STAG1: variants seen among roughly 807,000 people sequenced by gnomAD.
STAG1 encodes cohesin subunit SA-1.
In STAG1, 26 loss-of-function variants were observed where a neutral mutation model predicts 170.9. That is an observed-to-expected ratio of 0.15 (90% CI 0.11 to 0.21). STAG1 has a LOEUF of 0.21. Ranked by LOEUF, STAG1 falls within the 10% of genes least tolerant of loss-of-function variation. The pLI is 1.00. For synonymous variants in STAG1, 514 were observed against 497.7 expected (o/e 1.03, Z -0.44); for missense variants, 964 against 1,509.5 (o/e 0.64, Z 5.99).
intron 22 of STAG1, among the ~76,000 whole-genome samples, chr3:136,381,393 C>T (rs549635801): frequency 2.6e-5 from 4 of 151,774 alleles, no homozygotes; most frequent in African/African-American, 4.8e-5. Flanking sequence ...TATGATATCC[C>T]GGAGGTAAGA....
In STAG1 at chr3:136,359,274, T is replaced by A. The variant is rs1174547919; in HGVS notation, c.2810A>T (p.Glu937Val). 7 of 1,592,648 alleles carry A rather than the reference T, an allele frequency of 4.4e-6. No individual in the cohort carries two copies. The highest frequency in any genetic ancestry group is 6.0e-6 in the Non-Finnish European group (7 of 1,170,260). The change falls in exon 27 of 34, where the codon GAG becomes GTG. Residue 937 changes from glutamate to valine, a missense_variant. This residue lies in a region of STAG1 where 149 missense variants were observed against 301.3 expected (regional missense o/e 0.49). Coordinates refer to ENST00000383202, the MANE Select transcript of STAG1 (RefSeq NM_005862.3). The part of the protein sequence containing the change: ...LQQLFNELVQ[E>V]QGPNLDRTSA... ...TGTCCTATCTAGGTTGGGACCTTGC[T>A]CTTGAACAAGTTCATTAAATAACTG... is the stretch of plus-strand genomic sequence containing the variant.
chr3:136,417,698 CT>C (rs1418132490), intron 21 of STAG1, 186 bp downstream of exon 21: 1 of 502,228 alleles, frequency 2.0e-6, no homozygotes, highest in Non-Finnish European at 3.5e-6. Flanking sequence ...TTTTTCTACT[CT>C]TAACACATAA....
chr3:136,545,703 T>C (rs937600965), intron 5 of STAG1, among the ~76,000 whole-genome samples: 1 of 151,654 alleles, frequency 6.6e-6, no homozygotes, highest in Non-Finnish European at 1.5e-5. Context: ...CTAAACAGTA[T>C]GTGCAAAAAG....
At chr3:136,578,667 T>C (rs562077867) in intron 4 of STAG1, among the ~76,000 whole-genome samples, 9 of 152,328 alleles carry the variant, frequency 5.9e-5, no homozygotes, top group Non-Finnish European at 1.2e-4. Context: ...ATAGACACTG[T>C]CTCTGAATTG....
chr3:136,435,327 G>A lies in STAG1; in HGVS notation c.1547-1668C>T, dbSNP rs76139136. ...CTAATATCCTCACTTCACAGACAGG[G>A]AGAATGAGCCACAGAAAAATGCACT... is the stretch of plus-strand genomic sequence containing the variant. On this transcript the variant is annotated intron_variant, in intron 15 of 33. Coordinates refer to ENST00000383202, the MANE Select transcript of STAG1 (RefSeq NM_005862.3). 8.5e-3 allele frequency among the ~76,000 whole-genome samples: 1,290 copies of A among 152,222 alleles called. 22 individuals carry two copies. Among genetic ancestry groups the A allele is most frequent in the African/African-American group, 0.03 (1,234 of 41,522 alleles).
intron 4 of STAG1, among the ~76,000 whole-genome samples, chr3:136,598,648 G>A (rs950062958): frequency 1.3e-5 from 2 of 151,858 alleles, no homozygotes; most frequent in Admixed American, 6.6e-5. Flanking sequence ...GGATGGTTTC[G>A]ATCTCCTGAC....
chr3:136,686,780 T>C (rs1311493990), intron 1 of STAG1, among the ~76,000 whole-genome samples: 1 of 152,214 alleles, frequency 6.6e-6, no homozygotes, highest in Non-Finnish European at 1.5e-5. Context: ...CCAGAGGAAT[T>C]TATCCATGTG....
intron 2 of STAG1, among the ~76,000 whole-genome samples, chr3:136,627,597 C>G (rs1312099764): frequency 1.3e-5 from 2 of 152,182 alleles, no homozygotes; most frequent in African/African-American, 4.8e-5. Context: ...GCTGAAATGA[C>G]TGTTCTTGTA....
At chr3:136,464,326 G>A (rs528162837) in intron 13 of STAG1, among the ~76,000 whole-genome samples, 33 of 152,160 alleles carry the variant, frequency 2.2e-4, no homozygotes, top group African/African-American at 8.0e-4. Flanking sequence ...GGGAAGCTGA[G>A]GTAGGATAAT....
At chr3:136,449,362 A>G (rs928717384) in intron 14 of STAG1, among the ~76,000 whole-genome samples, 1 of 152,162 alleles carries the variant, frequency 6.6e-6, no homozygotes, top group Non-Finnish European at 1.5e-5. Flanking sequence ...GGAGTTCGAG[A>G]CCAGCCAGAC....
chr3:136,396,501 G>A (rs1307757529), intron 22 of STAG1, among the ~76,000 whole-genome samples: 2 of 141,432 alleles, frequency 1.4e-5, no homozygotes, highest in African/African-American at 5.3e-5. Flanking sequence ...GATTACAGGC[G>A]TGAGCCACCG....
intron 29 of STAG1, among the ~76,000 whole-genome samples, chr3:136,344,788 A>C (rs546040166): frequency 4.9e-4 from 74 of 151,710 alleles, no homozygotes; most frequent in Middle Eastern, 3.4e-3. Flanking sequence ...TCATTTTTAT[A>C]TTTTTAGGAG....
At chr3:136,477,440 A>T in intron 9 of STAG1, 28 bp from the exon 10 acceptor site, 1 of 1,578,458 alleles carries the variant, frequency 6.3e-7, no homozygotes, top group South Asian at 1.2e-5. Context: ...AGACAATCTC[A>T]AATTAATATA....
intron 21 of STAG1, among the ~76,000 whole-genome samples, chr3:136,400,802 G>T (rs1480075059): frequency 1.3e-5 from 2 of 152,040 alleles, no homozygotes; most frequent in African/African-American, 4.8e-5. Context: ...CCAAAGGGTT[G>T]GGATTACAGG....
At chr3:136,449,680 T>A (rs981942313) in intron 14 of STAG1, among the ~76,000 whole-genome samples, 1 of 151,972 alleles carries the variant, frequency 6.6e-6, no homozygotes, top group African/African-American at 2.4e-5. Context: ...CATCTGAAAA[T>A]TGTGCAGTAA....
intron 12 of STAG1, among the ~76,000 whole-genome samples, chr3:136,471,829 TTCTC>T (rs1445568485): frequency 1.3e-5 from 2 of 152,182 alleles, no homozygotes; most frequent in African/African-American, 2.4e-5. Context: ...GCAGTCTTCT[TTCTC>T]TCTGAGTTAT....
intron 6 of STAG1, among the ~76,000 whole-genome samples, chr3:136,541,186 A>G (rs1425864589): frequency 1.3e-5 from 2 of 151,932 alleles, no homozygotes; most frequent in East Asian, 1.9e-4. Flanking sequence ...CCCCGTGCCC[A>G]CTCCCTGTCA....
chr3:136,514,481 A>G (rs1010515691), intron 7 of STAG1, among the ~76,000 whole-genome samples: 3 of 152,252 alleles, frequency 2.0e-5, no homozygotes, highest in African/African-American at 7.2e-5. Flanking sequence ...AAACTAGTTC[A>G]ACCATTGTGG....
intron 3 of STAG1, among the ~76,000 whole-genome samples, chr3:136,611,298 C>T (rs938977473): frequency 1.3e-5 from 2 of 151,960 alleles, no homozygotes; most frequent in South Asian, 2.1e-4. Context: ...TACAAGCATG[C>T]GCCACCATGC....
Sources: allele counts gnomAD v4.1 joint callset (sites outside exome capture counted in the v4.1 genomes callset), GRCh38; gene constraint gnomAD v4.1.1; regional missense constraint gnomAD v4.1.1; transcripts MANE v1.5; gene names NCBI Gene and HGNC (gene_info 2026-07-23, HGNC 2026-07-21).